The following KCNIP3 variants were observed in gnomAD, a reference collection of about 807,000 sequenced individuals.
The protein encoded by KCNIP3 is calsenilin.
A neutral mutation model predicts 35.0 loss-of-function variants in KCNIP3; 28 were observed. The observed-to-expected ratio is 0.80, with a 90% CI of 0.59 to 1.10. KCNIP3 has a LOEUF of 1.10. KCNIP3 is among the 50% of genes least tolerant of loss of function. The pLI, the probability that KCNIP3 is intolerant of heterozygous loss-of-function variation, is 0.00. For missense variants in KCNIP3, 295 were observed against 338.4 expected (o/e 0.87, Z 1.01); for synonymous variants, 134 against 133.8 (o/e 1.00, Z -0.01).
intron 2 of KCNIP3, chr2:95,347,156 C>T (rs1473382724): frequency 5.1e-6 from 8 of 1,555,098 alleles, no homozygotes; most frequent in Middle Eastern, 1.7e-4. Context: ...TCGCCGCCTC[C>T]GCCGCAGACC....
At chr2:95,310,127 C>T (rs955705389) in intron 1 of KCNIP3, 2 of 668,070 alleles carry the variant, frequency 3.0e-6, no homozygotes, top group Admixed American at 2.1e-5. Flanking sequence ...GTCTGCCCCT[C>T]TTCCAGGGGT....
At chr2:95,314,785 C>T (rs2104216454) in intron 2 of KCNIP3, among the ~76,000 whole-genome samples, 1 of 152,344 alleles carries the variant, frequency 6.6e-6, no homozygotes. Flanking sequence ...TAATCCAGAG[C>T]CTGGAGTATT....
At chr2:95,316,170 A>G (rs1678455573) in intron 2 of KCNIP3, among the ~76,000 whole-genome samples, 4 of 152,210 alleles carry the variant, frequency 2.6e-5, no homozygotes, top group Admixed American at 2.6e-4. Flanking sequence ...AGAGCATTCC[A>G]ACTTGCCTTA....
intron 2 of KCNIP3, 63 bp downstream of exon 2, chr2:95,310,583 C>T (rs1267195551): frequency 6.3e-7 from 1 of 1,591,482 alleles, no homozygotes; most frequent in African/African-American, 1.3e-5. Context: ...GAGCACTGTC[C>T]TTTCTGAGGG....
At chr2:95,307,852 C>T (rs1423143732) in intron 1 of KCNIP3, among the ~76,000 whole-genome samples, 1 of 152,244 alleles carries the variant, frequency 6.6e-6, no homozygotes, top group African/African-American at 2.4e-5. Flanking sequence ...CACGCAGAGC[C>T]TGCAGCAAAG....
At chr2:95,299,678 G>T (rs1263032790) in intron 1 of KCNIP3, among the ~76,000 whole-genome samples, 2 of 152,252 alleles carry the variant, frequency 1.3e-5, no homozygotes, top group Non-Finnish European at 2.9e-5. Flanking sequence ...AGGCTGTGGT[G>T]TCTTCACAGC....
chr2:95,376,516 C>T lies in KCNIP3; in HGVS notation c.447+1308C>T, dbSNP rs1185979873. ...TGGCAGCCCTCTGGGCTGGGTCTGTCAGTGGCTGTGCTGTGGCCCCTCTGC... is the reference window on the plus strand; with the variant it reads ...TGGCAGCCCTCTGGGCTGGGTCTGTTAGTGGCTGTGCTGTGGCCCCTCTGC... On this transcript the variant is annotated intron_variant, in intron 5 of 8. Coordinates refer to ENST00000295225, the MANE Select transcript of KCNIP3 (RefSeq NM_013434.5). This position sits in a 1 kb window ranked among gnomAD's most constrained non-coding sequence, Gnocchi z 4.2. Among the ~76,000 whole-genome samples, 1 of 152,236 alleles carries T rather than the reference C, an allele frequency of 6.6e-6. No homozygotes were observed. Among genetic ancestry groups the T allele is most frequent in the Non-Finnish European group, 1.5e-5 (1 of 68,030 alleles).
intron 2 of KCNIP3, among the ~76,000 whole-genome samples, chr2:95,337,022 G>A (rs1679077827): frequency 6.6e-6 from 1 of 152,114 alleles, no homozygotes; most frequent in Non-Finnish European, 1.5e-5. Flanking sequence ...GGCCCCAAAG[G>A]ATCTGTTCGT....
At chr2:95,347,275 T>C (rs1280807816) in intron 2 of KCNIP3, among the ~76,000 whole-genome samples, 2 of 152,134 alleles carry the variant, frequency 1.3e-5, no homozygotes, top group African/African-American at 4.8e-5. Context: ...GGCCTGGGAC[T>C]AAGGAGACGT....
At chr2:95,346,340 GC>G (rs1251811562) in intron 2 of KCNIP3, among the ~76,000 whole-genome samples, 1 of 151,318 alleles carries the variant, frequency 6.6e-6, no homozygotes, top group African/African-American at 2.4e-5. Context: ...CAGCCCCTCG[GC>G]CCCCATCCTG....
chr2:95,366,978 C>T (rs1309497082), intron 2 of KCNIP3, among the ~76,000 whole-genome samples: 2 of 152,114 alleles, frequency 1.3e-5, no homozygotes, highest in Non-Finnish European at 2.9e-5. Context: ...CCAGTCTGTG[C>T]TTACCTTTTT....
chr2:95,350,011 C>G (rs923840668), intron 2 of KCNIP3, among the ~76,000 whole-genome samples: 2 of 152,140 alleles, frequency 1.3e-5, no homozygotes, highest in Non-Finnish European at 2.9e-5. Flanking sequence ...GTCCATAAAG[C>G]TCCTGAAATT....
intron 2 of KCNIP3, among the ~76,000 whole-genome samples, chr2:95,372,212 C>T (rs949443954): frequency 5.9e-5 from 9 of 152,040 alleles, no homozygotes; most frequent in African/African-American, 2.2e-4. Flanking sequence ...TCTTACCATC[C>T]ATCCATCCAT....
intron 2 of KCNIP3, 36 bp from the exon 3 acceptor site, chr2:95,374,260 C>T (rs745844499): frequency 3.1e-6 from 5 of 1,605,504 alleles, no homozygotes; most frequent in Admixed American, 1.7e-5. Context: ...AGCAGGGCTA[C>T]AGGCCTTACA....
chr2:95,320,347 C>T (rs184212256), intron 2 of KCNIP3, among the ~76,000 whole-genome samples: 11 of 152,124 alleles, frequency 7.2e-5, no homozygotes, highest in Admixed American at 2.0e-4. Flanking sequence ...CTTTCCAGCC[C>T]GGCACCCCTT....
rs1208024936 is a variant in KCNIP3 at position 95,310,406 on chromosome 2, C to G, written c.67C>G (p.Pro23Ala). 2 of 1,613,702 alleles carry G rather than the reference C, an allele frequency of 1.2e-6. No individual in the cohort carries two copies. The highest frequency in any genetic ancestry group is 2.2e-5 in the East Asian group (1 of 44,858). ...CCTCCTGGGGGACCTCGGGCACACA[C>G]CACTTAGCAAGAAGGAGGGTATCAA... The part of the protein sequence containing the change: ...GSLLGDLGHT[P>A]LSKKEGIKWQ... The change falls in exon 2 of 9, where the codon CCA becomes GCA. Residue 23 changes from proline (P) to alanine (A), a missense_variant. Pro to Ala is a conservative substitution (Grantham distance 27). Coordinates refer to ENST00000295225, the MANE Select transcript of KCNIP3 (RefSeq NM_013434.5).
In KCNIP3 at chr2:95,376,006, C is replaced by G. The variant is rs911779457; in HGVS notation, c.447+798C>G. 4.6e-5 allele frequency among the ~76,000 whole-genome samples: 7 copies of G among 152,202 alleles called. No individual in the cohort carries two copies. Among genetic ancestry groups the G allele is most frequent in the Non-Finnish European group, 1.0e-4 (7 of 68,036 alleles). ...GCCACACGGGGTAATAATAACTTGT[C>G]GATAAGCTGCGCGGGTTATTTTTAT... On this transcript the variant is annotated intron_variant, in intron 5 of 8. Coordinates refer to ENST00000295225, the MANE Select transcript of KCNIP3 (RefSeq NM_013434.5). The surrounding 1 kb of genome is among the most constrained non-coding windows in gnomAD (Gnocchi z 4.2).
Position 95,377,225 on chromosome 2 carries a change from C to T in KCNIP3, c.447+2017C>T, listed in dbSNP as rs1014825380. The stretch of plus-strand genomic sequence containing the variant: ...GCCAGGACGTGCAGAGCTTCCAAAA[C>T]GATTCCGTAGACTGTTGGGGCCTCT... On this transcript the variant is annotated intron_variant, in intron 5 of 8. Coordinates refer to ENST00000295225, the MANE Select transcript of KCNIP3 (RefSeq NM_013434.5). The surrounding 1 kb of genome is among the most constrained non-coding windows in gnomAD (Gnocchi z 4.7). Among the ~76,000 whole-genome samples the T allele has an allele frequency of 6.6e-6, 1 of 152,260 alleles. No individual in the cohort carries two copies. The highest frequency in any genetic ancestry group is 1.5e-5 in the Non-Finnish European group (1 of 68,048).
At position 95,320,869 on chromosome 2, in the gene KCNIP3, T is replaced by TA. The variant is rs150464953; in HGVS notation, c.181+10350dup. ...GCTCAGCACTCCACCCAGCCTTCCC[T>TA]AGGCCCTCTCCTCCCCGCCCCCCTC... On this transcript the variant is annotated intron_variant, in intron 2 of 8. Coordinates refer to ENST00000295225, the MANE Select transcript of KCNIP3 (RefSeq NM_013434.5). 1.8e-3 allele frequency among the ~76,000 whole-genome samples: 263 copies of TA among 149,354 alleles called. 1 individual carries two copies. The highest frequency in any genetic ancestry group is 6.0e-3 in the African/African-American group (243 of 40,360).
Sources: allele counts gnomAD v4.1 joint callset (sites outside exome capture counted in the v4.1 genomes callset), GRCh38; gene constraint gnomAD v4.1.1; non-coding constraint Gnocchi (gnomAD v3.1); transcripts MANE v1.5; gene names NCBI Gene and HGNC (gene_info 2026-07-23, HGNC 2026-07-21).